NLGN1: variants seen among roughly 807,000 people sequenced by gnomAD.
NLGN1 encodes the protein neuroligin 1.
NLGN1 carries 12 observed loss-of-function variants against 65.5 expected under a neutral mutation model. The observed-to-expected ratio is 0.18, with a 90% CI of 0.12 to 0.30. NLGN1 has a LOEUF of 0.30. NLGN1 is among the 10% of genes least tolerant of loss of function. NLGN1 has a pLI of 1.00. For missense variants in NLGN1, 750 were observed against 1,007.1 expected (o/e 0.74, Z 3.46); for synonymous variants, 350 against 359.5 (o/e 0.97, Z 0.30).
chr3:174,050,905 C>A (rs935348639), intron 4 of NLGN1, among the ~76,000 whole-genome samples: 3 of 151,960 alleles, frequency 2.0e-5, no homozygotes, highest in African/African-American at 7.3e-5. Flanking sequence ...CAGTTGAGCA[C>A]GATGATTCCA....
chr3:174,021,226 C>T (rs1727692835), intron 4 of NLGN1, among the ~76,000 whole-genome samples: 1 of 151,898 alleles, frequency 6.6e-6, no homozygotes, highest in Non-Finnish European at 1.5e-5. Flanking sequence ...TAGCTGGCTT[C>T]CATCTCTTGG....
intron 3 of NLGN1, among the ~76,000 whole-genome samples, chr3:173,786,702 C>T (rs980032890): frequency 3.9e-5 from 6 of 152,050 alleles, no homozygotes; most frequent in African/African-American, 1.4e-4. Context: ...TAACCTGTAT[C>T]AGAAAAAATG....
At chr3:174,165,113 G>C (rs886276081) in intron 4 of NLGN1, among the ~76,000 whole-genome samples, 3 of 151,820 alleles carry the variant, frequency 2.0e-5, no homozygotes, top group African/African-American at 7.3e-5. Context: ...TTCTTGATTT[G>C]GCTCATAGCT....
intron 3 of NLGN1, among the ~76,000 whole-genome samples, chr3:173,619,427 G>A (rs1753646592): frequency 6.6e-6 from 1 of 152,082 alleles, no homozygotes; most frequent in South Asian, 2.1e-4. Context: ...GGGCTATGCT[G>A]GACCCCGAAG....
intron 4 of NLGN1, among the ~76,000 whole-genome samples, chr3:174,116,372 C>T (rs1716482947): frequency 8.7e-6 from 1 of 114,398 alleles, no homozygotes; most frequent in South Asian, 3.0e-4. Flanking sequence ...CAGTCTCGCT[C>T]TATAGCCCAG....
Position 173,407,160 on chromosome 3 carries a change from A to C in NLGN1, c.-390+8673A>C, listed in dbSNP as rs1395768984. Among the ~76,000 whole-genome samples, 3 of 152,216 alleles carry C rather than the reference A, an allele frequency of 2.0e-5. No individual in the cohort carries two copies. The South Asian group carries it at 6.2e-4, about 31-fold the overall frequency. On this transcript the variant is annotated intron_variant, in intron 1 of 6. Coordinates refer to ENST00000457714, the Ensembl canonical transcript of NLGN1. ...TAAATAGAGTTCAGAGATTATATTC[A>C]TATTGTAATCACATCTTTATGACTA... is the stretch of plus-strand genomic sequence containing the variant.
At chr3:173,763,035 G>A (rs755924266) in intron 3 of NLGN1, among the ~76,000 whole-genome samples, 3 of 150,412 alleles carry the variant, frequency 2.0e-5, no homozygotes, top group Non-Finnish European at 4.4e-5. Flanking sequence ...ATGATTTCAT[G>A]TTCCTACAGA....
intron 1 of NLGN1, among the ~76,000 whole-genome samples, chr3:173,414,729 A>G (rs923468444): frequency 1.3e-5 from 2 of 152,176 alleles, no homozygotes; most frequent in Non-Finnish European, 2.9e-5. Flanking sequence ...TGGGGAGAGA[A>G]AGGGAGGATG....
chr3:173,495,948 G>C (rs567687891), intron 2 of NLGN1, among the ~76,000 whole-genome samples: 2 of 151,538 alleles, frequency 1.3e-5, no homozygotes, highest in Non-Finnish European at 2.9e-5. Flanking sequence ...TCAGTATAAG[G>C]TTTTTTGAGA....
chr3:174,131,759 C>T (rs1720241872), intron 4 of NLGN1, among the ~76,000 whole-genome samples: 4 of 152,086 alleles, frequency 2.6e-5, no homozygotes, highest in Admixed American at 2.6e-4. Flanking sequence ...CACCAGAAAG[C>T]TTGCCAATTA....
chr3:174,195,113 G>A (rs577638025), intron 4 of NLGN1, among the ~76,000 whole-genome samples: 6 of 151,962 alleles, frequency 3.9e-5, no homozygotes, highest in South Asian at 2.1e-4. Flanking sequence ...CCCCTGCCTC[G>A]GCCTCCCAAA....
intron 2 of NLGN1, among the ~76,000 whole-genome samples, chr3:173,481,556 T>C (rs1034263707): frequency 1.3e-5 from 2 of 151,732 alleles, no homozygotes; most frequent in Non-Finnish European, 2.9e-5. Context: ...TCTTCATTTG[T>C]TTTGGATGTA....
At chr3:173,635,363 T>C (rs1756414645) in intron 3 of NLGN1, among the ~76,000 whole-genome samples, 1 of 152,170 alleles carries the variant, frequency 6.6e-6, no homozygotes, top group Non-Finnish European at 1.5e-5. Context: ...GCTGCATTAA[T>C]TCTCATTGGT....
intron 2 of NLGN1, among the ~76,000 whole-genome samples, chr3:173,519,649 C>G (rs1258382903): frequency 1.3e-5 from 2 of 151,640 alleles, no homozygotes; most frequent in Admixed American, 6.6e-5. Context: ...CAATTTCTCT[C>G]TTTTGGAATG....
At chr3:173,563,259 T>C (rs933215079) in intron 2 of NLGN1, among the ~76,000 whole-genome samples, 4 of 152,234 alleles carry the variant, frequency 2.6e-5, no homozygotes, top group African/African-American at 7.2e-5. Flanking sequence ...TCATAGTATT[T>C]TTACATAAAA....
At chr3:173,675,887 T>TCTCTCTCTCTCTCTCTCTCTCTCTCA (rs756157881) in intron 3 of NLGN1, among the ~76,000 whole-genome samples, 1 of 138,578 alleles carries the variant, frequency 7.2e-6, no homozygotes, top group African/African-American at 2.8e-5. Context: ...TCTCTCTCTC[T>TCTCTCTCTCTCTCTCTCTCTCTCTCA]CACACACACA....
At chr3:173,628,996 TATCTC>T (rs10530993) in intron 3 of NLGN1, among the ~76,000 whole-genome samples, 53,917 of 151,496 alleles carry the variant, frequency 0.36, 9,987 homozygotes, top group Middle Eastern at 0.49. Context: ...TTTTATTACT[TATCTC>T]AGTGAGATCA....
chr3:174,268,422 A>G (rs1748696704), intron 4 of NLGN1, among the ~76,000 whole-genome samples: 1 of 152,100 alleles, frequency 6.6e-6, no homozygotes, highest in Non-Finnish European at 1.5e-5. Context: ...GGTGAAGAAT[A>G]TGTGGTTGGT....
intron 2 of NLGN1, among the ~76,000 whole-genome samples, chr3:173,450,508 T>C (rs924973946): frequency 3.3e-5 from 5 of 152,162 alleles, no homozygotes; most frequent in Non-Finnish European, 5.9e-5. Context: ...TTTCCTTCAT[T>C]TCAACTTTGG....
Sources: gnomAD v4.1 joint callset for allele counts (sites outside exome capture counted in the v4.1 genomes callset) on GRCh38, gnomAD v4.1.1 for gene constraint, MANE v1.5 for transcripts, NCBI Gene and HGNC (gene_info 2026-07-23, HGNC 2026-07-21) for gene names.